DUS3L: variants seen among roughly 807,000 people sequenced by gnomAD.
DUS3L encodes dihydrouridine synthase 3 like, also known as tRNA-dihydrouridine(47) synthase [NAD(P)(+)]-like.
Under a neutral mutation model 74.6 loss-of-function variants are expected in DUS3L, and 62 were observed. The ratio of observed to expected loss-of-function variants is 0.83; its 90% CI spans 0.68 to 1.03. The LOEUF is 1.03. DUS3L is among the 50% of genes least tolerant of loss of function. The pLI, the probability that DUS3L is intolerant of heterozygous loss-of-function variation, is 0.00. For synonymous variants in DUS3L, 433 were observed against 395.7 expected (o/e 1.09, Z -1.12); for missense variants, 884 against 924.4 (o/e 0.96, Z 0.57).
At chr19:5,790,844 T>G in intron 1 of DUS3L, 200 bp downstream of exon 1, 1 of 613,610 alleles carries the variant, frequency 1.6e-6, no homozygotes, top group Non-Finnish European at 2.9e-6. Context: ...CGTGGTGTCC[T>G]TCGCGCATGT....
chr19:5,788,049 T>C lies in DUS3L; in HGVS notation c.1070A>G (p.Gln357Arg). ...CTGGACGCCAAAGATGTCCTCACAC[T>C]GGTGGCGTTTGAGTAGGGCCCACTC... ...MSEWALLKRH[Q>R]CEDIFGVQLE... Residue 357 changes from glutamine to arginine, a missense_variant, in exon 5 of 13, where the codon CAG (glutamine) becomes CGG (arginine). Gln to Arg is a conservative substitution (Grantham distance 43, BLOSUM62 1). Transcript: ENST00000309061. 1 of 1,613,574 alleles carries C rather than the reference T, an allele frequency of 6.2e-7. No individual in the cohort carries two copies. The highest frequency in any genetic ancestry group is 8.5e-7 in the Non-Finnish European group (1 of 1,179,998).
chr19:5,785,298 C>T (rs928139988), intron 12 of DUS3L, 23 bp from the exon 13 acceptor site: 5 of 1,609,910 alleles, frequency 3.1e-6, no homozygotes, highest in African/African-American at 1.3e-5. Context: ...AGGTGGAAAG[C>T]GAGGTCAGGC....
At position 5,789,512 on chromosome 19, in the gene DUS3L, G is replaced by A. The variant is rs1288425352; in HGVS notation, c.595C>T (p.Arg199Cys). The A allele has an allele frequency of 1.9e-6, 3 of 1,604,860 alleles. No homozygotes were observed. The highest frequency in any genetic ancestry group is 1.7e-6 in the Non-Finnish European group (2 of 1,178,474). Residue 199 changes from arginine (R) to cysteine (C), a missense_variant, in exon 3 of 13, where the codon CGC (arginine) becomes TGC (cysteine). Transcript: ENST00000309061. ...QNLVQEELAA[R>C]GTQPPSIRNG... ...CGGATGGACGGGGGCTGGGTCCCGC[G>A]GGCCGCCAACTCCTCCTGCACCAGG...
chr19:5,787,191 GGTGGTGGGAGA>G lies in DUS3L; in HGVS notation c.1279-31_1279-21del, dbSNP rs2056853596. On this transcript the variant is annotated intron_variant, in intron 7 of 12. Transcript: ENST00000309061. ...CAGCACCTACAGGACGGTGGTGGGA[GGTGGTGGGAGA>G]TGGTGGGAGGTGGTGGGAGACGGTG... 1 of 1,386,804 alleles carries G rather than the reference GGTGGTGGGAGA, an allele frequency of 7.2e-7. No homozygotes were observed. Among genetic ancestry groups the G allele is most frequent in the African/African-American group, 1.5e-5 (1 of 68,926 alleles). 85.9% of individuals were successfully genotyped at this position (1,386,804 alleles called of 1,614,324 possible).
chr19:5,787,557 G>A, intron 6 of DUS3L, 32 bp downstream of exon 6: 1 of 1,605,388 alleles, frequency 6.2e-7, no homozygotes, highest in South Asian at 1.1e-5. Flanking sequence ...TGCCCAGATG[G>A]GGAAACCGAG....
At chr19:5,790,361 C>G in intron 1 of DUS3L, 26 bp from the exon 2 acceptor site, 9 of 1,613,278 alleles carry the variant, frequency 5.6e-6, no homozygotes, top group Non-Finnish European at 7.6e-6. Flanking sequence ...GAAAGGAAAA[C>G]CCTCCGAACA....
In DUS3L at chr19:5,790,198, T is replaced by A; in HGVS notation, c.236A>T (p.Asp79Val). 2 of 1,614,106 alleles carry A rather than the reference T, an allele frequency of 1.2e-6. No individual in the cohort carries two copies. The highest frequency in any genetic ancestry group is 1.7e-6 in the Non-Finnish European group (2 of 1,180,030). ...CGTCTGCCCGTCCGCCGTCTGTCCA[T>A]CCTCCAGTCGGATCCGCTTAGCCTC... ...EPEAKRIRLE[D>V]GQTADGQTEE... The change falls in exon 2 of 13, where the codon GAT becomes GTT. Residue 79 changes from aspartate to valine, a missense_variant. Transcript: ENST00000309061.
rs913864188 is a variant in DUS3L, at chr19:5,786,560, G to C, written c.1487-18C>G. 6.6e-5 allele frequency: 107 copies of C among 1,611,596 alleles called. 1 individual carries two copies. Among genetic ancestry groups the C allele is most frequent in the Non-Finnish European group, 8.8e-5 (104 of 1,179,274 alleles). ...CCCATTTCCTGAGGAGACAGAGGCTGGGGTCTCAGGGAGACATGGGCAGGT... is the reference window on the plus strand; with the variant it reads ...CCCATTTCCTGAGGAGACAGAGGCTCGGGTCTCAGGGAGACATGGGCAGGT... On this transcript the variant is annotated intron_variant, in intron 9 of 12. Transcript: ENST00000309061.
chr19:5,790,332 G>GT lies in DUS3L; in HGVS notation c.101dup (p.Tyr34Ter). Reference sequence around the variant, plus strand: ...GGTGAAACTGCTCCTTGGTGGTGAGGTATCTGCCGACAGAAAGGGAAAGGA... The same window carrying GT: ...GGTGAAACTGCTCCTTGGTGGTGAGGTTATCTGCCGACAGAAAGGGAAAGGA... ...ERGVAPIKRQ[Y>*]LTTKEQFHQF... The change falls in exon 2 of 13, where the codon TAC becomes TAAC. Residue 34 changes from tyrosine to a stop codon, truncating the protein, a stop_gained and frameshift_variant. Transcript: ENST00000309061. LOFTEE classifies it high-confidence loss of function. The GT allele has an allele frequency of 6.2e-7, 1 of 1,613,944 alleles. No homozygotes were observed.
At chr19:5,786,888 G>A in intron 8 of DUS3L, 43 bp from the exon 9 acceptor site, 1 of 1,566,864 alleles carries the variant, frequency 6.4e-7, no homozygotes, top group Non-Finnish European at 8.6e-7. Context: ...CAGAGAGTGA[G>A]ACGCAGAGAG....
At position 5,789,383 on chromosome 19, in the gene DUS3L, CG is replaced by C. The variant is rs925684891; in HGVS notation, c.723del (p.Ala242LeufsTer44). The C allele has an allele frequency of 6.3e-7, 1 of 1,591,572 alleles. No individual in the cohort carries two copies. The highest frequency in any genetic ancestry group is 1.3e-5 in the African/African-American group (1 of 74,406). ...ALRRFSQGPT[P>X]AAAVPEGTAA... ...GCCGTGCCCTCGGGGACAGCGGCAGCGGGTGTGGGGCCCTGGCTGAACCGGC... is the reference window on the plus strand; with the variant it reads ...GCCGTGCCCTCGGGGACAGCGGCAGCGGTGTGGGGCCCTGGCTGAACCGGC... On this transcript the variant is annotated frameshift_variant, in exon 3 of 13. Coordinates refer to ENST00000309061, the MANE Select transcript of DUS3L (RefSeq NM_020175.3). LOFTEE classifies it high-confidence loss of function.
intron 10 of DUS3L, 147 bp from the exon 11 acceptor site, chr19:5,785,938 CA>C (rs1283153988): frequency 1.2e-6 from 1 of 824,936 alleles, no homozygotes; most frequent in Non-Finnish European, 1.8e-6. Flanking sequence ...ACACAACCTT[CA>C]AAGCACAGGA....
chr19:5,785,486 G>A lies in DUS3L; in HGVS notation c.1777C>T (p.Arg593Trp), dbSNP rs773406821. ...CRYVPVGLLERLPQRINERPP... is the reference protein window; with the variant it reads ...CRYVPVGLLEWLPQRINERPP... ...CGCTCGTTGATCCTCTGTGGGAGCC[G>A]CTCCAGCAGCCCCACGGGCACGTAC... The change falls in exon 12 of 13, where the codon CGG becomes TGG. Residue 593 changes from arginine to tryptophan, a missense_variant. Arg to Trp is a moderately radical substitution (Grantham distance 101). Coordinates refer to ENST00000309061, the MANE Select transcript of DUS3L (RefSeq NM_020175.3). The A allele has an allele frequency of 5.1e-6, 8 of 1,571,552 alleles. No homozygotes were observed. Among genetic ancestry groups the A allele is most frequent in the East Asian group, 4.5e-5 (2 of 44,256 alleles).
At chr19:5,789,930 G>T in intron 2 of DUS3L, 117 bp downstream of exon 2, 1 of 1,421,596 alleles carries the variant, frequency 7.0e-7, no homozygotes, top group South Asian at 1.3e-5. Flanking sequence ...AATGGCATCA[G>T]AGCAAGCTCA....
At chr19:5,788,471 C>G (rs541316147) in intron 3 of DUS3L, 73 bp from the exon 4 acceptor site, 4 of 1,543,314 alleles carry the variant, frequency 2.6e-6, no homozygotes, top group African/African-American at 2.7e-5. Context: ...AGCCTCCCTT[C>G]TACCCACAGT....
chr19:5,786,940 C>G, intron 8 of DUS3L, 95 bp from the exon 9 acceptor site: 2 of 1,496,708 alleles, frequency 1.3e-6, no homozygotes, highest in Non-Finnish European at 1.8e-6. Context: ...CAGAGAGAGA[C>G]ACAGGCGGAG....
chr19:5,786,487 G>A lies in DUS3L; in HGVS notation c.1542C>T (p.Val514=). 6.2e-7 allele frequency: 1 copy of A among 1,613,056 alleles called. No homozygotes were observed. The highest frequency in any genetic ancestry group is 8.5e-7 in the Non-Finnish European group (1 of 1,179,920). ...CTTACCGGGCAATCATGATCCCGGT[G>A]ACACCAGTCTGCATGGCGCGGTTGG... is the stretch of plus-strand genomic sequence containing the variant. ...EDANRAMQTG[V]TGIMIARGAL... The change falls in exon 10 of 13, where the codon GTC becomes GTT. Residue 514 remains valine (V), a synonymous_variant. Coordinates refer to ENST00000309061, the MANE Select transcript of DUS3L (RefSeq NM_020175.3).
chr19:5,786,646 T>C, intron 9 of DUS3L, 103 bp downstream of exon 9: 1 of 1,570,772 alleles, frequency 6.4e-7, no homozygotes, highest in East Asian at 2.3e-5. Flanking sequence ...GTGGCTCCCA[T>C]CAGGGTGGTA....
intron 8 of DUS3L, 52 bp from the exon 9 acceptor site, chr19:5,786,897 AG>A: frequency 6.4e-7 from 1 of 1,552,144 alleles, no homozygotes; most frequent in Non-Finnish European, 8.7e-7. Context: ...AGACGCAGAG[AG>A]GAAGAGACCA....
Sources: gnomAD v4.1 joint callset for allele counts on GRCh38, gnomAD v4.1.1 for gene constraint, MANE v1.5 for transcripts, NCBI Gene and HGNC (gene_info 2026-07-23, HGNC 2026-07-21) for gene names.